The following SVIL variants were observed in gnomAD, a reference collection of about 807,000 sequenced individuals.
The protein encoded by SVIL is archvillin.
In SVIL, 101 loss-of-function variants were observed where a neutral mutation model predicts 240.4. The ratio of observed to expected loss-of-function variants is 0.42; its 90% CI spans 0.36 to 0.50. SVIL has a LOEUF of 0.50. Among genes scored for constraint, SVIL ranks in the 20% least tolerant of loss-of-function variants. SVIL has a pLI of 0.01. For missense variants in SVIL, 2,512 were observed against 2,818.7 expected (o/e 0.89, Z 2.46); for synonymous variants, 999 against 1,100.0 (o/e 0.91, Z 1.82).
At chr10:29,512,270 G>A (rs551622576) in intron 17 of SVIL, among the ~76,000 whole-genome samples, 6 of 152,226 alleles carry the variant, frequency 3.9e-5, no homozygotes, top group Middle Eastern at 3.4e-3. Flanking sequence ...CATGAAACAC[G>A]CTTAAATGAT....
chr10:29,619,498 C>A (rs563549139), intron 1 of SVIL, among the ~76,000 whole-genome samples: 69 of 152,276 alleles, frequency 4.5e-4, no homozygotes, highest in African/African-American at 1.6e-3. Context: ...CTGAAGGGAA[C>A]CAAAGCTGGA....
intron 17 of SVIL, among the ~76,000 whole-genome samples, chr10:29,512,003 A>C (rs1178652606): frequency 6.6e-6 from 1 of 152,182 alleles, no homozygotes; most frequent in Non-Finnish European, 1.5e-5. Context: ...GTGACCAGGG[A>C]GTGTGTCACC....
intron 27 of SVIL, chr10:29,483,852 A>G (rs1318800240): frequency 6.6e-6 from 1 of 152,226 alleles, no homozygotes; most frequent in Non-Finnish European, 1.5e-5. Context: ...CTAGGCAGGA[A>G]AGTTGAAATT....
At chr10:29,699,821 G>T (rs553804490) in intron 1 of SVIL, among the ~76,000 whole-genome samples, 1 of 152,210 alleles carries the variant, frequency 6.6e-6, no homozygotes, top group Non-Finnish European at 1.5e-5. Context: ...AGGCACCAGC[G>T]GGAGAATGTC....
chr10:29,628,878 C>G (rs531482527), intron 1 of SVIL, among the ~76,000 whole-genome samples: 1 of 152,208 alleles, frequency 6.6e-6, no homozygotes, highest in East Asian at 1.9e-4. Context: ...AATAAGGCCG[C>G]CAGGAGACCT....
intron 1 of SVIL, among the ~76,000 whole-genome samples, chr10:29,698,952 G>A (rs74938434): frequency 0.015 from 2,340 of 152,258 alleles, 46 homozygotes; most frequent in East Asian, 0.098. Context: ...AAAAGGAGCC[G>A]GCGGGCTGCA....
Position 29,462,271 on chromosome 10 carries a change from G to T in SVIL, c.6402+6C>A. 2 of 1,613,874 alleles carry T rather than the reference G, an allele frequency of 1.2e-6. No individual in the cohort carries two copies. Among genetic ancestry groups the T allele is most frequent in the Non-Finnish European group, 1.7e-6 (2 of 1,179,912 alleles). ...CCACCTTCATAGGGCAGGAAAGCGT[G>T]CTCACCATCTCTGTGATCTCAGCGA... On this transcript the variant is annotated splice_donor_region_variant and intron_variant, in intron 36 of 37. Coordinates refer to ENST00000355867, the MANE Select transcript of SVIL (RefSeq NM_021738.3).
intron 36 of SVIL, among the ~76,000 whole-genome samples, chr10:29,459,289 AT>A (rs985785270): frequency 6.6e-6 from 1 of 151,878 alleles, no homozygotes; most frequent in African/African-American, 2.4e-5. Flanking sequence ...AATTTAAAAA[AT>A]TTTTTTGTAG....
Position 29,695,794 on chromosome 10 carries a change from CTCTCCCTCTCCCG to C in SVIL, c.-399-9156_-399-9144del, listed in dbSNP as rs745646946. The stretch of plus-strand genomic sequence containing the variant: ...AGATGTACAAACAGCTCCCGTCTCC[CTCTCCCTCTCCCG>C]TCTCCCTCTCCCGTCTCCCTCTCCC... On this transcript the variant is annotated intron_variant, in intron 1 of 35. Coordinates refer to the SVIL transcript ENST00000375400. Among the ~76,000 whole-genome samples, 411 of 148,098 alleles carry C rather than the reference CTCTCCCTCTCCCG, an allele frequency of 2.8e-3. 22 individuals are homozygous for C. In the East Asian group the frequency reaches 0.057, roughly 20 times the overall value.
chr10:29,544,525 C>T (rs754999318), intron 6 of SVIL, among the ~76,000 whole-genome samples: 5 of 151,952 alleles, frequency 3.3e-5, no homozygotes, highest in Non-Finnish European at 5.9e-5. Context: ...GAGGCCAAGA[C>T]GGGTGGATCG....
intron 9 of SVIL, among the ~76,000 whole-genome samples, chr10:29,531,597 A>T (rs118003828): frequency 1.3e-5 from 2 of 152,362 alleles, no homozygotes; most frequent in Non-Finnish European, 2.9e-5. Flanking sequence ...AGTATATGAC[A>T]CTTCAGTATA....
At chr10:29,700,448 G>A (rs1342452415) in intron 1 of SVIL, among the ~76,000 whole-genome samples, 1 of 144,454 alleles carries the variant, frequency 6.9e-6, no homozygotes, top group Non-Finnish European at 1.5e-5. Context: ...ATAACACAGA[G>A]AAGAAATTCT....
Position 29,524,581 on chromosome 10 carries a change from G to C in SVIL, c.2477C>G (p.Ser826Cys). The C allele has an allele frequency of 1.2e-6, 2 of 1,614,140 alleles. No homozygotes were observed. Among genetic ancestry groups the C allele is most frequent in the South Asian group, 2.2e-5 (2 of 91,084 alleles). Residue 826 changes from serine to cysteine, a missense_variant, in exon 14 of 38, where the codon TCC becomes TGC. Transcript: ENST00000355867. Reference sequence around the variant, plus strand: ...AGAAATCGCTTTTGAGACTGGCTGGGACAATTTGTTAAACAAGGCCAACTT... The same window carrying C: ...AGAAATCGCTTTTGAGACTGGCTGGCACAATTTGTTAAACAAGGCCAACTT... Reference protein sequence around the residue: ...AEKLALFNKLSQPVSKAISTR... With the variant: ...AEKLALFNKLCQPVSKAISTR...
chr10:29,510,588 G>A (rs1479269440), intron 17 of SVIL, among the ~76,000 whole-genome samples: 12 of 151,964 alleles, frequency 7.9e-5, no homozygotes, highest in Admixed American at 3.3e-4. Context: ...TTCTGCCTTT[G>A]GTGCTAAAGA....
intron 1 of SVIL, among the ~76,000 whole-genome samples, chr10:29,628,826 A>G (rs1045533474): frequency 2.0e-5 from 3 of 152,206 alleles, no homozygotes; most frequent in Admixed American, 6.5e-5. Flanking sequence ...GGACCTTAAG[A>G]AGGAAAGCTG....
Position 29,735,437 on chromosome 10 carries a change from C to T in SVIL, c.-400+314G>A, listed in dbSNP as rs1964846778. On this transcript the variant is annotated intron_variant, in intron 1 of 35. Transcript: ENST00000375400. This position sits in a 1 kb window ranked among gnomAD's most constrained non-coding sequence, Gnocchi z 4.1. ...AAACTCCGCGGAGAGAAACCCTGCC[C>T]CGGCCCGCTCCTCCCCGAGGCGCGC... Among the ~76,000 whole-genome samples, 2 of 152,092 alleles carry T rather than the reference C, an allele frequency of 1.3e-5. No individual in the cohort carries two copies. The highest frequency in any genetic ancestry group is 2.0e-4 in the East Asian group (1 of 5,124).
chr10:29,594,185 G>GA (rs1420675364), intron 1 of SVIL, among the ~76,000 whole-genome samples: 1 of 152,088 alleles, frequency 6.6e-6, no homozygotes, highest in African/African-American at 2.4e-5. Flanking sequence ...AGGTATACAT[G>GA]AAACATAAAA....
chr10:29,713,909 T>G (rs1963451774), intron 1 of SVIL, among the ~76,000 whole-genome samples: 1 of 152,238 alleles, frequency 6.6e-6, no homozygotes, highest in Non-Finnish European at 1.5e-5. Context: ...TCTAATGTGC[T>G]TATGAGCTTT....
At chr10:29,496,438 A>G (rs1948447984) in intron 18 of SVIL, 1 of 455,324 alleles carries the variant, frequency 2.2e-6, no homozygotes, top group Admixed American at 2.4e-5. Context: ...GGAGTTCATT[A>G]GCACAGAGGC....
Sources: gnomAD v4.1 joint callset for allele counts (sites outside exome capture counted in the v4.1 genomes callset) on GRCh38, gnomAD v4.1.1 for gene constraint, Gnocchi (gnomAD v3.1) non-coding constraint, MANE v1.5 for transcripts, NCBI Gene and HGNC (gene_info 2026-07-23, HGNC 2026-07-21) for gene names.